Variants in JAML observed in about 807,000 individuals in gnomAD.
JAML encodes junction adhesion molecule like, also known as junctional adhesion molecule-like.
In JAML, 25 loss-of-function variants were observed where a neutral mutation model predicts 39.3. That is an observed-to-expected ratio of 0.64 (90% confidence interval 0.46 to 0.89). The LOEUF is 0.89. Among genes scored for constraint, JAML ranks in the 40% least tolerant of loss-of-function variants. The pLI, the probability that JAML is intolerant of heterozygous loss-of-function variation, is 0.00. For missense variants in JAML, 440 were observed against 486.9 expected (o/e 0.90, Z 0.91); for synonymous variants, 162 against 179.2 (o/e 0.90, Z 0.77).
Position 118,196,802 on chromosome 11 carries a change from A to C in JAML, c.1025T>G (p.Ile342Arg), listed in dbSNP as rs757934856. Residue 342 changes from isoleucine (I) to arginine (R), a missense_variant, in exon 9 of 10, where the codon ATA (isoleucine) becomes AGA (arginine). Transcript: ENST00000356289. Reference sequence around the variant, plus strand: ...TTCCTCGATCACCTCCCGTACAATTATTGGGGAGTAAATGTGTTTCTAGAG... The same window carrying C: ...TTCCTCGATCACCTCCCGTACAATTCTTGGGGAGTAAATGTGTTTCTAGAG... ...CEGEKHIYSP[I>R]IVREVIEEEE... The C allele has an allele frequency of 6.2e-6, 10 of 1,611,516 alleles. No individual in the cohort carries two copies. Among genetic ancestry groups the C allele is most frequent in the Non-Finnish European group, 8.5e-6 (10 of 1,177,704 alleles).
chr11:118,202,755 C>T (rs1417151246), intron 6 of JAML: 4 of 364,972 alleles, frequency 1.1e-5, no homozygotes, highest in Non-Finnish European at 2.2e-5. Flanking sequence ...CTTCCCCACC[C>T]CCAGCCAACC....
chr11:118,214,881 T>G lies in JAML; in HGVS notation c.-15A>C. The G allele has an allele frequency of 6.2e-7, 1 of 1,613,788 alleles. No individual in the cohort carries two copies. Among genetic ancestry groups the G allele is most frequent in the Non-Finnish European group, 8.5e-7 (1 of 1,179,874 alleles). ...GGGCAAAACATGCTGCTCTCAACTT[T>G]CAAATCTTAAGATAAAAGAACAAAA... On this transcript the variant is annotated 5_prime_UTR_variant, in exon 2 of 10. Transcript: ENST00000356289.
chr11:118,214,610 G>C (rs1949116531), intron 2 of JAML, among the ~76,000 whole-genome samples: 1 of 152,184 alleles, frequency 6.6e-6, no homozygotes, highest in Non-Finnish European at 1.5e-5. Context: ...AATGCATTCT[G>C]TTTCTAATGG....
At chr11:118,220,046 C>T (rs1949194290) in intron 1 of JAML, among the ~76,000 whole-genome samples, 1 of 152,232 alleles carries the variant, frequency 6.6e-6, no homozygotes, top group South Asian at 2.1e-4. Flanking sequence ...GGAAAACCCT[C>T]TCCTACCTTT....
intron 1 of JAML, among the ~76,000 whole-genome samples, chr11:118,221,917 T>C (rs368529196): frequency 3.9e-4 from 59 of 152,348 alleles, no homozygotes; most frequent in African/African-American, 1.4e-3. Flanking sequence ...CCTGTTTAAG[T>C]TATCCCCTTA....
rs146892134 is a variant in JAML at position 118,220,952 on chromosome 11, C to T, written c.-21+3989G>A. On this transcript the variant is annotated intron_variant, in intron 1 of 9. Transcript: ENST00000356289. Reference sequence around the variant, plus strand: ...TGGGCTCTCTGCCCCCGCTGAATTCCAAATCACAGCAAAACAAAGCCAAGG... The same window carrying T: ...TGGGCTCTCTGCCCCCGCTGAATTCTAAATCACAGCAAAACAAAGCCAAGG... Among the ~76,000 whole-genome samples the T allele has an allele frequency of 1.4e-3, 215 of 152,318 alleles. 1 individual carries two copies. Among genetic ancestry groups the T allele is most frequent in the African/African-American group, 5.0e-3 (206 of 41,576 alleles).
rs774059817 is a variant in JAML at position 118,194,402 on chromosome 11, A to G, written c.1108T>C (p.Ser370Pro). 6.2e-7 allele frequency: 1 copy of G among 1,614,028 alleles called. No individual in the cohort carries two copies. Among genetic ancestry groups the G allele is most frequent in the Non-Finnish European group, 8.5e-7 (1 of 1,179,908 alleles). Residue 370 changes from serine (S) to proline (P), a missense_variant, in exon 10 of 10, where the codon TCT (serine) becomes CCT (proline). Ser to Pro is a moderately conservative substitution (Grantham distance 74). Coordinates refer to ENST00000356289, the MANE Select transcript of JAML (RefSeq NM_001098526.2). The stretch of plus-strand genomic sequence containing the variant: ...GAGTTGTTCCGATCTGACCTCAGAG[A>G]AGGCCAAACTGGGTGCTGTGGGGGA... ...TYMTMHPVWP[S>P]LRSDRNNSLE...
intron 4 of JAML, among the ~76,000 whole-genome samples, chr11:118,207,154 A>G (rs2134660718): frequency 6.6e-6 from 1 of 152,382 alleles, no homozygotes; most frequent in Non-Finnish European, 1.5e-5. Flanking sequence ...AAAGAATACC[A>G]GTAAGGAAGC....
At chr11:118,216,733 C>G (rs1438922909) in intron 1 of JAML, among the ~76,000 whole-genome samples, 2 of 152,174 alleles carry the variant, frequency 1.3e-5, no homozygotes, top group Non-Finnish European at 2.9e-5. Flanking sequence ...GAACAGGAAA[C>G]TTAAGTTTCC....
chr11:118,203,688 A>G (rs1238285835), intron 5 of JAML, 23 bp from the exon 6 acceptor site: 1 of 1,589,208 alleles, frequency 6.3e-7, no homozygotes, highest in South Asian at 1.1e-5. Flanking sequence ...GACAAAAAGT[A>G]TGATATTGTG....
chr11:118,198,595 G>T (rs866062420), intron 7 of JAML, among the ~76,000 whole-genome samples: 7 of 151,336 alleles, frequency 4.6e-5, no homozygotes, highest in African/African-American at 1.7e-4. Flanking sequence ...GCCCTGTCGG[G>T]GTCCCTTGGC....
intron 1 of JAML, among the ~76,000 whole-genome samples, chr11:118,223,608 C>A (rs553139377): frequency 6.6e-6 from 1 of 152,090 alleles, no homozygotes; most frequent in African/African-American, 2.4e-5. Flanking sequence ...TTTATTGCGA[C>A]CTGCTTGGAA....
intron 1 of JAML, among the ~76,000 whole-genome samples, chr11:118,216,291 C>T (rs943099270): frequency 1.4e-4 from 22 of 151,818 alleles, no homozygotes; most frequent in African/African-American, 4.6e-4. Flanking sequence ...ATGGCGTGAA[C>T]CTGGTAGGCG....
chr11:118,215,022 G>T (rs866351201), intron 1 of JAML, 136 bp from the exon 2 acceptor site: 1 of 691,818 alleles, frequency 1.4e-6, no homozygotes, highest in East Asian at 2.7e-5. Context: ...AAAAACAGAC[G>T]AGGTCCCAGC....
intron 1 of JAML, among the ~76,000 whole-genome samples, chr11:118,215,649 T>C (rs1200998242): frequency 1.3e-5 from 2 of 151,414 alleles, no homozygotes; most frequent in Admixed American, 1.3e-4. Flanking sequence ...ACCTGGCCCA[T>C]GGTGCACTTT....
At position 118,222,993 on chromosome 11, in the gene JAML, G is replaced by C. The variant is rs1949224782; in HGVS notation, c.-21+1948C>G. Among the ~76,000 whole-genome samples the C allele has an allele frequency of 6.6e-6, 1 of 151,690 alleles. No homozygotes were observed. Among genetic ancestry groups the C allele is most frequent in the Middle Eastern group, 3.4e-3 (1 of 294 alleles). ...GCCTGTAATCCCAGCTACTTGGGAG[G>C]CTGAGGCAGGAGAATCACTTGAACT... is the stretch of plus-strand genomic sequence containing the variant. On this transcript the variant is annotated intron_variant, in intron 1 of 9. Coordinates refer to ENST00000356289, the MANE Select transcript of JAML (RefSeq NM_001098526.2). The surrounding 1 kb of genome is among the most constrained non-coding windows in gnomAD (Gnocchi z 4.2).
intron 1 of JAML, among the ~76,000 whole-genome samples, chr11:118,221,904 G>A (rs1382511343): frequency 6.6e-6 from 1 of 152,148 alleles, no homozygotes; most frequent in African/African-American, 2.4e-5. Flanking sequence ...CACCTTGTGT[G>A]TCCCTGTTTA....
chr11:118,224,703 T>A (rs745464474), intron 1 of JAML, among the ~76,000 whole-genome samples: 12 of 152,174 alleles, frequency 7.9e-5, no homozygotes, highest in Non-Finnish European at 1.8e-4. Context: ...ACTCTTATTA[T>A]GATGAAACTT....
rs772258831 is a variant in JAML, at chr11:118,214,902, C to G, written c.-20-16G>C. The stretch of plus-strand genomic sequence containing the variant: ...ACTTTCAAATCTTAAGATAAAAGAA[C>G]AAAAATCACAAAATCATGTCAAGAG... On this transcript the variant is annotated splice_polypyrimidine_tract_variant and intron_variant, in intron 1 of 9. Transcript: ENST00000356289. The G allele has an allele frequency of 2.5e-6, 4 of 1,605,490 alleles. No individual in the cohort carries two copies. The African/African-American group carries it at 5.4e-5, about 21-fold the overall frequency.
Sources: gnomAD v4.1 joint callset for allele counts (sites outside exome capture counted in the v4.1 genomes callset) on GRCh38, gnomAD v4.1.1 for gene constraint, Gnocchi (gnomAD v3.1) non-coding constraint, MANE v1.5 for transcripts, NCBI Gene and HGNC (gene_info 2026-07-23, HGNC 2026-07-21) for gene names.